The following NFIB variants were observed in gnomAD, a reference collection of about 807,000 sequenced individuals.
NFIB encodes nuclear factor 1 B-type.
NFIB carries 11 observed loss-of-function variants against 61.5 expected under a neutral mutation model. That is an observed-to-expected ratio of 0.18 (90% CI 0.11 to 0.30). NFIB has a LOEUF of 0.30. Among genes scored for constraint, NFIB ranks in the 10% least tolerant of loss-of-function variants. The pLI is 1.00. For missense variants in NFIB, 471 were observed against 608.9 expected (o/e 0.77, Z 2.38); for synonymous variants, 260 against 216.5 (o/e 1.20, Z -1.76).
chr9:14,500,719 C>T, the NFIB span, among the ~76,000 whole-genome samples: 4 of 152,110 alleles, frequency 2.6e-5, no homozygotes, highest in Admixed American at 6.5e-5. Flanking sequence ...CATTCCTTGC[C>T]GCCCTAGAGT....
chr9:14,510,448 G>A, the NFIB span, among the ~76,000 whole-genome samples: 2 of 152,154 alleles, frequency 1.3e-5, no homozygotes, highest in Non-Finnish European at 2.9e-5. Context: ...GTGTGTGTAT[G>A]ACAAAAGTTT....
chr9:14,229,341 G>C (rs1587776160), intron 2 of NFIB, among the ~76,000 whole-genome samples: 1 of 152,284 alleles, frequency 6.6e-6, no homozygotes, highest in South Asian at 2.1e-4. Context: ...GGAATTCTGA[G>C]TCTAAAGACG....
At chr9:14,206,484 A>G (rs1021675623) in intron 2 of NFIB, among the ~76,000 whole-genome samples, 4 of 151,748 alleles carry the variant, frequency 2.6e-5, no homozygotes, top group African/African-American at 7.3e-5. Flanking sequence ...AACACTCTTA[A>G]AACTTGAGCT....
At chr9:14,444,011 C>G in the NFIB span, among the ~76,000 whole-genome samples, 1 of 152,194 alleles carries the variant, frequency 6.6e-6, no homozygotes, top group African/African-American at 2.4e-5. Context: ...GTAATATTTT[C>G]TACCTCTGTT....
chr9:14,166,725 T>C (rs1421909075), intron 3 of NFIB, among the ~76,000 whole-genome samples: 1 of 152,186 alleles, frequency 6.6e-6, no homozygotes, highest in Non-Finnish European at 1.5e-5. Context: ...CCTTTTCTCA[T>C]CATCTTAACC....
chr9:14,190,171 T>C (rs2047790036), intron 2 of NFIB, among the ~76,000 whole-genome samples: 1 of 152,252 alleles, frequency 6.6e-6, no homozygotes, highest in South Asian at 2.1e-4. Flanking sequence ...ACTGGATGGG[T>C]TTTTTATATC....
chr9:14,128,091 G>C (rs1180367728), intron 6 of NFIB, among the ~76,000 whole-genome samples: 1 of 152,030 alleles, frequency 6.6e-6, no homozygotes, highest in South Asian at 2.1e-4. Flanking sequence ...TGTCGCATAA[G>C]AGCTATGTGA....
At chr9:14,506,362 G>A in the NFIB span, among the ~76,000 whole-genome samples, 2 of 152,066 alleles carry the variant, frequency 1.3e-5, no homozygotes, top group Admixed American at 6.5e-5. Context: ...TCGGGAGGAC[G>A]GAAAGATTTG....
chr9:14,110,225 A>G (rs984015211), intron 10 of NFIB, among the ~76,000 whole-genome samples: 10 of 152,084 alleles, frequency 6.6e-5, no homozygotes, highest in African/African-American at 2.4e-4. Flanking sequence ...CTTTAAATTT[A>G]TCATTAACTC....
chr9:14,522,109 A>G, the NFIB span, among the ~76,000 whole-genome samples: 1 of 152,170 alleles, frequency 6.6e-6, no homozygotes, highest in Admixed American at 6.6e-5. Context: ...TGATTGATTG[A>G]TTTTTTAATT....
intron 3 of NFIB, among the ~76,000 whole-genome samples, chr9:14,160,496 G>T (rs183746907): frequency 6.6e-6 from 1 of 151,994 alleles, no homozygotes. Context: ...TCAAGTATTC[G>T]AAGGACTATT....
chr9:14,351,529 C>T (rs1416828454), intron 1 of NFIB, among the ~76,000 whole-genome samples: 1 of 152,220 alleles, frequency 6.6e-6, no homozygotes, highest in African/African-American at 2.4e-5. Context: ...CTCAAACCTT[C>T]TTTTCTCACC....
the NFIB span, among the ~76,000 whole-genome samples, chr9:14,420,445 C>CAAAAAAAAAAAAAAAAAAA: frequency 5.7e-4 from 24 of 42,422 alleles, 1 homozygote; most frequent in South Asian, 1.6e-3. Context: ...GACTCCGTCT[C>CAAAAAAAAAAAAAAAAAAA]AAAAAAAAAA....
At chr9:14,316,900 C>T (rs908265405), upstream of NFIB, among the ~76,000 whole-genome samples, 1 of 152,196 alleles carries the variant, frequency 6.6e-6, no homozygotes, top group Non-Finnish European at 1.5e-5. Context: ...CAGGAATGCA[C>T]TAATATCCTT....
chr9:14,344,659 A>T (rs956672677), intron 1 of NFIB, among the ~76,000 whole-genome samples: 1 of 151,972 alleles, frequency 6.6e-6, no homozygotes. Context: ...CAGTGTTTAT[A>T]CTGTTTTGTG....
chr9:14,150,410 C>T (rs2042735089), intron 4 of NFIB, 145 bp from the exon 5 acceptor site: 4 of 1,360,928 alleles, frequency 2.9e-6, no homozygotes, highest in Admixed American at 4.6e-5. Context: ...CACCATACAA[C>T]CTGGGTAGGA....
intron 2 of NFIB, among the ~76,000 whole-genome samples, chr9:14,271,721 A>C (rs192583710): frequency 3.3e-5 from 5 of 152,322 alleles, no homozygotes. Context: ...GTCAGGGATT[A>C]GGGAACCTCA....
intron 1 of NFIB, among the ~76,000 whole-genome samples, chr9:14,356,408 G>A (rs2061176808): frequency 6.6e-6 from 1 of 152,104 alleles, no homozygotes; most frequent in Admixed American, 6.5e-5. Flanking sequence ...GGCCCCACAC[G>A]AGGAACTAGT....
the NFIB span, among the ~76,000 whole-genome samples, chr9:14,514,365 G>C: frequency 7.3e-6 from 1 of 137,434 alleles, no homozygotes; most frequent in Admixed American, 7.4e-5. Flanking sequence ...CCACCTTTCT[G>C]GGCATGCACA....
Sources: allele counts gnomAD v4.1 joint callset (sites outside exome capture counted in the v4.1 genomes callset), GRCh38; gene constraint gnomAD v4.1.1; transcripts MANE v1.5; gene names NCBI Gene and HGNC (gene_info 2026-07-23, HGNC 2026-07-21).